SLC47A1: variants seen among roughly 807,000 people sequenced by gnomAD.
SLC47A1 encodes solute carrier family 47 member 1, also known as multidrug and toxin extrusion protein 1.
Under a neutral mutation model 65.8 loss-of-function variants are expected in SLC47A1, and 58 were observed. The observed-to-expected ratio is 0.88, with a 90% CI of 0.71 to 1.10. SLC47A1 has a LOEUF of 1.10. SLC47A1 is among the 50% of genes least tolerant of loss of function. The pLI, the probability that SLC47A1 is intolerant of heterozygous loss-of-function variation, is 0.00. For synonymous variants in SLC47A1, 285 were observed against 295.0 expected, an observed-to-expected ratio of 0.97 and a Z score of 0.35; for missense variants, 706 against 719.2, an observed-to-expected ratio of 0.98 and a Z score of 0.21.
At chr17:19,561,196 G>GAGCCAAGAAC (rs1205711343) in intron 12 of SLC47A1, among the ~76,000 whole-genome samples, 2 of 149,998 alleles carry the variant, frequency 1.3e-5, no homozygotes, top group African/African-American at 2.5e-5. Flanking sequence ...AGGCAGAGGT[G>GAGCCAAGAAC]CCAGTGAGCC....
chr17:19,550,262 C>T (rs911568583), intron 5 of SLC47A1, among the ~76,000 whole-genome samples: 3 of 152,120 alleles, frequency 2.0e-5, no homozygotes, highest in African/African-American at 7.2e-5. Flanking sequence ...GCTGGAACTA[C>T]AGGCACATGC....
intron 2 of SLC47A1, among the ~76,000 whole-genome samples, chr17:19,546,077 G>A (rs1052652780): frequency 3.9e-5 from 6 of 152,020 alleles, no homozygotes; most frequent in Admixed American, 6.6e-5. Context: ...AAAATTAGCC[G>A]GTCATGGTAG....
chr17:19,543,773 A>C (rs1331808213), intron 2 of SLC47A1, among the ~76,000 whole-genome samples: 3 of 152,136 alleles, frequency 2.0e-5, no homozygotes, highest in Non-Finnish European at 4.4e-5. Context: ...AAGTGGATTC[A>C]GTGGCTCTCG....
rs1459472679 is a variant in SLC47A1, at chr17:19,578,287, C to G, written c.*734C>G. The G allele has an allele frequency of 3.0e-5, 9 of 295,436 alleles. No homozygotes were observed. Among genetic ancestry groups the G allele is most frequent in the South Asian group, 2.4e-4 (9 of 36,818 alleles). The allele number at this position is 295,436 out of a possible 1,614,324, so 18.3% of individuals were successfully genotyped here. A position where few individuals can be genotyped will look rare whatever the true frequency, so the allele number is the denominator to read the frequency against. ...GGGGTGTGTGCGTGACGTACTGCAG[C>G]CTCAACCTCCTGGGCTCAAGTGATC... On this transcript the variant is annotated 3_prime_UTR_variant, in exon 17 of 17. Transcript: ENST00000270570.
At chr17:19,551,656 A>G (rs1180859406) in intron 6 of SLC47A1, among the ~76,000 whole-genome samples, 188 bp downstream of exon 6, 1 of 152,218 alleles carries the variant, frequency 6.6e-6, no homozygotes, top group Non-Finnish European at 1.5e-5. Flanking sequence ...TTGTTAAGTG[A>G]TGTCAAGGAA....
At chr17:19,536,416 A>G (rs560650446) in intron 1 of SLC47A1, among the ~76,000 whole-genome samples, 6 of 152,260 alleles carry the variant, frequency 3.9e-5, no homozygotes, top group Non-Finnish European at 8.8e-5. Context: ...ATGTACATAT[A>G]TGTATACCAT....
At chr17:19,551,094 G>C (rs1335643410) in intron 5 of SLC47A1, among the ~76,000 whole-genome samples, 2 of 152,184 alleles carry the variant, frequency 1.3e-5, no homozygotes, top group Non-Finnish European at 2.9e-5. Flanking sequence ...CAGTCTATAT[G>C]GAGGTGCCCA....
At chr17:19,553,441 G>A (rs543843472) in intron 6 of SLC47A1, among the ~76,000 whole-genome samples, 6 of 151,838 alleles carry the variant, frequency 4.0e-5, no homozygotes, top group Admixed American at 2.6e-4. Flanking sequence ...TCACATCCTC[G>A]ACTCCATCTT....
At chr17:19,554,111 G>A (rs1279124637) in intron 6 of SLC47A1, among the ~76,000 whole-genome samples, 1 of 152,154 alleles carries the variant, frequency 6.6e-6, no homozygotes, top group Non-Finnish European at 1.5e-5. Context: ...AGAGACTAGA[G>A]AGGCTGTGGG....
At chr17:19,550,646 G>A (rs1420351365) in intron 5 of SLC47A1, among the ~76,000 whole-genome samples, 2 of 152,194 alleles carry the variant, frequency 1.3e-5, no homozygotes, top group East Asian at 3.8e-4. Flanking sequence ...TCAGCTGGAG[G>A]CTGTAGCTGA....
chr17:19,555,790 C>G lies in SLC47A1; in HGVS notation c.740-6C>G, dbSNP rs749185169. The G allele has an allele frequency of 5.6e-6, 9 of 1,613,372 alleles. No homozygotes were observed. Among genetic ancestry groups the G allele is most frequent in the South Asian group, 2.2e-5 (2 of 91,082 alleles). On this transcript the variant is annotated splice_polypyrimidine_tract_variant and splice_region_variant and intron_variant, in intron 8 of 16. Coordinates refer to ENST00000270570, the MANE Select transcript of SLC47A1 (RefSeq NM_018242.3). ...TCTCCTGGAAATGTGTGTGTCCCCCCCACAGGCTGGTCCCTCGAGTGCCTG... is the reference window on the plus strand; with the variant it reads ...TCTCCTGGAAATGTGTGTGTCCCCCGCACAGGCTGGTCCCTCGAGTGCCTG...
chr17:19,568,768 A>AGAATT (rs2084378242), intron 14 of SLC47A1, among the ~76,000 whole-genome samples: 2 of 152,094 alleles, frequency 1.3e-5, no homozygotes, highest in Non-Finnish European at 1.5e-5. Context: ...TCTATCAGAA[A>AGAATT]TTTGTACCTT....
Position 19,555,468 on chromosome 17 carries a change from C to T in SLC47A1, c.642-125C>T, listed in dbSNP as rs1916575593. 6 of 1,281,582 alleles carry T rather than the reference C, an allele frequency of 4.7e-6. No homozygotes were observed. The East Asian group carries it at 6.9e-5, about 15-fold the overall frequency. 79.4% of individuals were successfully genotyped at this position (1,281,582 alleles called of 1,614,324 possible). A position where few individuals can be genotyped will look rare whatever the true frequency, so the allele number is the denominator to read the frequency against. ...CTGTCAGGGATGGAGGGTGAGGCTG[C>T]TCTGGGAAGAAGACCTTGGCCTGCT... On this transcript the variant is annotated intron_variant, in intron 7 of 16. Coordinates refer to ENST00000270570, the MANE Select transcript of SLC47A1 (RefSeq NM_018242.3).
intron 12 of SLC47A1, among the ~76,000 whole-genome samples, chr17:19,563,728 C>A (rs1451465844): frequency 6.6e-6 from 1 of 152,056 alleles, no homozygotes; most frequent in Non-Finnish European, 1.5e-5. Flanking sequence ...GTGGCTCACG[C>A]CTGTAATCCC....
At chr17:19,538,315 A>G (rs1209703984) in intron 1 of SLC47A1, among the ~76,000 whole-genome samples, 1 of 152,250 alleles carries the variant, frequency 6.6e-6, no homozygotes, top group Non-Finnish European at 1.5e-5. Context: ...CGCTGGCAAC[A>G]CAGTCCACTG....
At chr17:19,545,744 C>G (rs1916272506) in intron 2 of SLC47A1, among the ~76,000 whole-genome samples, 1 of 152,150 alleles carries the variant, frequency 6.6e-6, no homozygotes, top group Non-Finnish European at 1.5e-5. Flanking sequence ...CCCACCTTGG[C>G]TTCCCAAAGT....
At chr17:19,557,673 G>T (rs543651300) in intron 10 of SLC47A1, 37 of 511,588 alleles carry the variant, frequency 7.2e-5, no homozygotes, top group Non-Finnish European at 1.2e-4. Flanking sequence ...ATGTAGTGAG[G>T]GTAACAATAC....
At chr17:19,546,595 GC>G in intron 3 of SLC47A1, 92 bp downstream of exon 3, 2 of 1,225,050 alleles carry the variant, frequency 1.6e-6, no homozygotes, top group South Asian at 1.3e-5. Context: ...GAGTTCAGCA[GC>G]CAGCACTTGC....
chr17:19,545,647 A>T (rs184921241), intron 2 of SLC47A1, among the ~76,000 whole-genome samples: 2 of 151,892 alleles, frequency 1.3e-5, no homozygotes, highest in African/African-American at 4.8e-5. Flanking sequence ...GCATGCCACC[A>T]TGCCTGCTAG....
Sources: gnomAD v4.1 joint callset for allele counts (sites outside exome capture counted in the v4.1 genomes callset) on GRCh38, gnomAD v4.1.1 for gene constraint, MANE v1.5 for transcripts, NCBI Gene and HGNC (gene_info 2026-07-23, HGNC 2026-07-21) for gene names.